The following AEBP2 variants were observed in gnomAD, a reference collection of about 807,000 sequenced individuals.
AEBP2 encodes zinc finger protein AEBP2.
A neutral mutation model predicts 50.8 loss-of-function variants in AEBP2; 10 were observed. The observed-to-expected ratio is 0.20, with a 90% CI of 0.12 to 0.33. The LOEUF (loss-of-function observed/expected upper bound fraction) is 0.33. Ranked by LOEUF, AEBP2 falls within the 10% of genes least tolerant of loss-of-function variation. The probability of loss-of-function intolerance (pLI) is 1.00; values close to 1 mark genes in which losing one functional copy is unlikely to be tolerated. For missense variants in AEBP2, 570 were observed against 688.0 expected (o/e 0.83, Z 1.92); for synonymous variants, 296 against 261.3 (o/e 1.13, Z -1.28).
chr12:19,458,733 T>TA (rs1238878978), intron 1 of AEBP2, among the ~76,000 whole-genome samples: 1 of 152,014 alleles, frequency 6.6e-6, no homozygotes, highest in Non-Finnish European at 1.5e-5. Context: ...TGTGTCCAGT[T>TA]AAAAAAAATC....
rs1055449120 is a variant in AEBP2, at chr12:19,518,268, T to G, written c.*151T>G. 1.3e-5 allele frequency: 17 copies of G among 1,329,298 alleles called. No homozygotes were observed. The highest frequency in any genetic ancestry group is 1.5e-5 in the Non-Finnish European group (16 of 1,042,054). 82.3% of individuals were successfully genotyped at this position (1,329,298 alleles called of 1,614,324 possible). The stretch of plus-strand genomic sequence containing the variant: ...CCAGTATTTAGGATAATATTTATGC[T>G]TAGTGTAAACATTCTGTGAATGAAG... On this transcript the variant is annotated 3_prime_UTR_variant, in exon 8 of 8. Transcript: ENST00000266508.
At chr12:19,450,556 A>G (rs1327678224) in intron 1 of AEBP2, among the ~76,000 whole-genome samples, 1 of 142,988 alleles carries the variant, frequency 7.0e-6, no homozygotes, top group African/African-American at 2.6e-5. Flanking sequence ...TCAGCCTGGC[A>G]CGGTGACTCA....
chr12:19,516,833 C>G (rs936431198), intron 7 of AEBP2, among the ~76,000 whole-genome samples: 1 of 152,138 alleles, frequency 6.6e-6, no homozygotes, highest in Non-Finnish European at 1.5e-5. Flanking sequence ...TTGAGACCAG[C>G]CTGGCCAACA....
intron 1 of AEBP2, among the ~76,000 whole-genome samples, chr12:19,431,553 A>C (rs1484697571): frequency 1.3e-5 from 2 of 152,224 alleles, no homozygotes. Flanking sequence ...ATTCAAAGTG[A>C]GAACTACTAA....
intron 5 of AEBP2, among the ~76,000 whole-genome samples, chr12:19,503,328 GGT>G (rs374431120): frequency 4.8e-5 from 7 of 145,502 alleles, no homozygotes; most frequent in Admixed American, 6.9e-5. Flanking sequence ...TGTATTCCTT[GGT>G]GTGTGTGTGT....
In AEBP2 at chr12:19,489,415, C is replaced by T. The variant is rs1236002078; in HGVS notation, c.988-4385C>T. ...CAAGAACAGCATCGGGGAAACCGCC[C>T]CCGCCATGATCCAGTCACTTGGGAG... On this transcript the variant is annotated intron_variant, in intron 3 of 7. Transcript: ENST00000266508. 3.9e-5 allele frequency among the ~76,000 whole-genome samples: 6 copies of T among 152,140 alleles called. No individual in the cohort carries two copies. The South Asian group carries it at 1.0e-3, about 26-fold the overall frequency.
At chr12:19,509,863 CACTT>C (rs1405995802) in intron 5 of AEBP2, among the ~76,000 whole-genome samples, 1 of 115,552 alleles carries the variant, frequency 8.7e-6, no homozygotes, top group African/African-American at 3.3e-5. Flanking sequence ...GAGTCTCACT[CACTT>C]TGTTGCTTGG....
rs143074670 is a variant in AEBP2 at position 19,461,114 on chromosome 12, A to G, written c.672-1396A>G. Among the ~76,000 whole-genome samples the G allele has an allele frequency of 2.2e-3, 331 of 152,348 alleles. 4 individuals carry two copies. The highest frequency in any genetic ancestry group is 0.017 in the Admixed American group (264 of 15,294). Reference sequence around the variant, plus strand: ...TTTTGTGTCTTTGAACTTTTCCATGATAAAAACTTGGCGGGAGGGAAACAT... The same window carrying G: ...TTTTGTGTCTTTGAACTTTTCCATGGTAAAAACTTGGCGGGAGGGAAACAT... On this transcript the variant is annotated intron_variant, in intron 1 of 7. Coordinates refer to ENST00000266508, the MANE Select transcript of AEBP2 (RefSeq NM_153207.5).
chr12:19,493,666 T>A, intron 3 of AEBP2, 134 bp from the exon 4 acceptor site: 1 of 840,754 alleles, frequency 1.2e-6, no homozygotes, highest in Non-Finnish European at 1.8e-6. Flanking sequence ...TACTAGTCCC[T>A]TATGCTTCCT....
Position 19,439,867 on chromosome 12 carries a change from G to A in AEBP2, c.168G>A (p.Ala56=). The change falls in exon 1 of 8, where the codon GCG becomes GCA. Residue 56 remains alanine, a synonymous_variant. Coordinates refer to ENST00000266508, the MANE Select transcript of AEBP2 (RefSeq NM_153207.5). The stretch of plus-strand genomic sequence containing the variant: ...AGGCGGAGGCCGAGGCGGTGGCGGC[G>A]CTGCTGCTGAACGGCGGCAGCGGTG... ...EEEAEAEAVA[A]LLLNGGSGGG... is the part of the protein sequence containing the mutation. 2.7e-6 allele frequency: 4 copies of A among 1,483,116 alleles called. No individual in the cohort carries two copies. Among genetic ancestry groups the A allele is most frequent in the Non-Finnish European group, 2.7e-6 (3 of 1,126,298 alleles). The allele number at this position is 1,483,116 out of a possible 1,614,324, so 91.9% of individuals were successfully genotyped here.
chr12:19,446,835 G>A (rs1405900701), intron 1 of AEBP2, among the ~76,000 whole-genome samples: 1 of 152,122 alleles, frequency 6.6e-6, no homozygotes, highest in African/African-American at 2.4e-5. Context: ...GCTGAGGCAG[G>A]AGGATCACTT....
intron 1 of AEBP2, among the ~76,000 whole-genome samples, chr12:19,415,125 C>T (rs950614960): frequency 4.7e-5 from 7 of 149,540 alleles, no homozygotes; most frequent in Non-Finnish European, 8.9e-5. Flanking sequence ...TCCTGGACAA[C>T]GTGGCGAAAC....
At chr12:19,450,189 C>T (rs1029502995) in intron 1 of AEBP2, among the ~76,000 whole-genome samples, 12 of 151,812 alleles carry the variant, frequency 7.9e-5, no homozygotes, top group African/African-American at 2.9e-4. Context: ...GTTCTTTGTC[C>T]TTCGTAAGTA....
intron 1 of AEBP2, among the ~76,000 whole-genome samples, chr12:19,458,978 G>T (rs760529859): frequency 6.6e-6 from 1 of 152,096 alleles, no homozygotes; most frequent in Non-Finnish European, 1.5e-5. Context: ...CTGCACTTGT[G>T]TGTGTTTTAC....
chr12:19,516,434 C>G (rs556819552), intron 7 of AEBP2, among the ~76,000 whole-genome samples: 1 of 152,290 alleles, frequency 6.6e-6, no homozygotes, highest in Non-Finnish European at 1.5e-5. Context: ...TAAGATTAAT[C>G]TGTGTTTCTG....
chr12:19,435,860 A>G (rs1047500657), upstream of AEBP2, among the ~76,000 whole-genome samples: 2 of 152,212 alleles, frequency 1.3e-5, no homozygotes, highest in Non-Finnish European at 2.9e-5. Flanking sequence ...TGTCTGGCAC[A>G]TACATTTGTT....
intron 1 of AEBP2, among the ~76,000 whole-genome samples, chr12:19,448,372 C>G (rs937812945): frequency 1.3e-5 from 2 of 152,074 alleles, no homozygotes; most frequent in African/African-American, 4.8e-5. Context: ...GTAATCCCAG[C>G]TACTTGGGAG....
intron 2 of AEBP2, among the ~76,000 whole-genome samples, chr12:19,470,983 C>G (rs74615517): frequency 6.7e-6 from 1 of 149,874 alleles, no homozygotes; most frequent in Non-Finnish European, 1.5e-5. Context: ...CGTTTTTTTT[C>G]AATTAATGGC....
In AEBP2 at chr12:19,518,279, A is replaced by G. The variant is rs895428599; in HGVS notation, c.*162A>G. The stretch of plus-strand genomic sequence containing the variant: ...GATAATATTTATGCTTAGTGTAAAC[A>G]TTCTGTGAATGAAGTAGACTCTTCG... On this transcript the variant is annotated 3_prime_UTR_variant, in exon 8 of 8. Transcript: ENST00000266508. 1 of 1,314,394 alleles carries G rather than the reference A, an allele frequency of 7.6e-7. No individual in the cohort carries two copies. Among genetic ancestry groups the G allele is most frequent in the Admixed American group, 3.7e-5 (1 of 27,394 alleles). The allele number at this position is 1,314,394 out of a possible 1,614,324, so 81.4% of individuals were successfully genotyped here.
Sources: gnomAD v4.1 joint callset for allele counts (sites outside exome capture counted in the v4.1 genomes callset) on GRCh38, gnomAD v4.1.1 for gene constraint, MANE v1.5 for transcripts, NCBI Gene and HGNC (gene_info 2026-07-23, HGNC 2026-07-21) for gene names.